The following CDH4 variants were observed in gnomAD, a reference collection of about 807,000 sequenced individuals.
CDH4 encodes cadherin-4.
CDH4 carries 33 observed loss-of-function variants against 86.0 expected under a neutral mutation model. The ratio of observed to expected loss-of-function variants is 0.38; its 90% CI spans 0.29 to 0.51. The LOEUF (loss-of-function observed/expected upper bound fraction) is 0.51, where lower values mean the gene tolerates loss of function less well. Ranked by LOEUF, CDH4 falls within the 20% of genes least tolerant of loss-of-function variation. The probability of loss-of-function intolerance (pLI) is 0.86; values close to 1 mark genes in which losing one functional copy is unlikely to be tolerated. For synonymous variants in CDH4, 555 were observed against 549.4 expected (o/e 1.01, Z -0.14); for missense variants, 1,114 against 1,307.4 (o/e 0.85, Z 2.28).
intron 2 of CDH4, among the ~76,000 whole-genome samples, chr20:61,476,104 G>T (rs1162301502): frequency 6.6e-6 from 1 of 152,218 alleles, no homozygotes; most frequent in Non-Finnish European, 1.5e-5. Context: ...GGTTAATGAG[G>T]ACACGCGGTG....
rs931580485 is a variant in CDH4, at chr20:61,516,717, C to T, written c.170-226846C>T. On this transcript the variant is annotated intron_variant, in intron 2 of 15. Coordinates refer to ENST00000614565, the MANE Select transcript of CDH4 (RefSeq NM_001794.5). This position sits in a 1 kb window ranked among gnomAD's most constrained non-coding sequence, Gnocchi z 4.0. ...CACAGGCTCAGGGTGCAATGTCAAA[C>T]CGCGGCCCTGCCCGAGAGCAGGCAC... 6.6e-6 allele frequency among the ~76,000 whole-genome samples: 1 copy of T among 152,230 alleles called. No individual in the cohort carries two copies. The highest frequency in any genetic ancestry group is 1.5e-5 in the Non-Finnish European group (1 of 68,040).
chr20:61,488,266 G>T (rs1410847035), intron 2 of CDH4, among the ~76,000 whole-genome samples: 6 of 152,210 alleles, frequency 3.9e-5, no homozygotes, highest in Admixed American at 3.9e-4. Context: ...CACAGGGCAG[G>T]GTGAGGTGAC....
chr20:61,294,189 A>G (rs985399866), intron 2 of CDH4, among the ~76,000 whole-genome samples: 3 of 152,096 alleles, frequency 2.0e-5, no homozygotes, highest in African/African-American at 4.8e-5. Flanking sequence ...TGCCGGCATC[A>G]TGGGCTGACC....
chr20:61,390,727 T>A (rs1244239662), intron 2 of CDH4, among the ~76,000 whole-genome samples: 1 of 151,536 alleles, frequency 6.6e-6, no homozygotes, highest in Non-Finnish European at 1.5e-5. Context: ...AGACCCCGAT[T>A]GAGATCGTGC....
At chr20:61,404,730 C>CT (rs1235859183) in intron 2 of CDH4, among the ~76,000 whole-genome samples, 2 of 135,156 alleles carry the variant, frequency 1.5e-5, no homozygotes, top group Admixed American at 7.4e-5. Flanking sequence ...TTTTTTTTTT[C>CT]TTTTTTTCCT....
At chr20:61,618,518 T>C (rs2086744069) in intron 2 of CDH4, among the ~76,000 whole-genome samples, 1 of 152,088 alleles carries the variant, frequency 6.6e-6, no homozygotes, top group Non-Finnish European at 1.5e-5. Flanking sequence ...TCCACCTTGG[T>C]GTTGCTGCCT....
chr20:61,839,400 T>A (rs1982035208), intron 4 of CDH4, among the ~76,000 whole-genome samples: 1 of 151,692 alleles, frequency 6.6e-6, no homozygotes, highest in African/African-American at 2.4e-5. Context: ...TGTATTTGTG[T>A]TGTGTGCATG....
At chr20:61,705,021 G>A (rs1246051870) in intron 2 of CDH4, among the ~76,000 whole-genome samples, 1 of 152,130 alleles carries the variant, frequency 6.6e-6, no homozygotes, top group Non-Finnish European at 1.5e-5. Context: ...GGAACGCGTT[G>A]GGGCTCAAAG....
At chr20:61,809,035 G>A (rs1331792667) in intron 4 of CDH4, among the ~76,000 whole-genome samples, 4 of 152,166 alleles carry the variant, frequency 2.6e-5, no homozygotes, top group Non-Finnish European at 4.4e-5. Flanking sequence ...AAGGCATCCC[G>A]AGTCCCAGCC....
rs76713232 is a variant in CDH4, at chr20:61,320,863, G to A, written c.169+65926G>A. Reference sequence around the variant, plus strand: ...CACGGCCAGGTGGCTGGAGGGGTGGGCAGGGCTGTGGCGTGAAGACAGTAT... The same window carrying A: ...CACGGCCAGGTGGCTGGAGGGGTGGACAGGGCTGTGGCGTGAAGACAGTAT... On this transcript the variant is annotated intron_variant, in intron 2 of 15. Coordinates refer to ENST00000614565, the MANE Select transcript of CDH4 (RefSeq NM_001794.5). 7.9e-5 allele frequency among the ~76,000 whole-genome samples: 12 copies of A among 152,162 alleles called. No individual in the cohort carries two copies. The East Asian group carries it at 2.3e-3, about 30-fold the overall frequency.
At chr20:61,257,893 G>A (rs2123115420) in intron 2 of CDH4, among the ~76,000 whole-genome samples, 1 of 152,312 alleles carries the variant, frequency 6.6e-6, no homozygotes, top group Admixed American at 6.5e-5. Context: ...TGGCATAGTG[G>A]GAACCGAGGG....
intron 2 of CDH4, among the ~76,000 whole-genome samples, chr20:61,300,650 T>C (rs1015970122): frequency 2.6e-5 from 4 of 152,182 alleles, no homozygotes; most frequent in African/African-American, 9.6e-5. Flanking sequence ...CCTCCTGCCC[T>C]GTTCTGCCCA....
intron 8 of CDH4, among the ~76,000 whole-genome samples, chr20:61,895,841 T>G (rs1985079242): frequency 6.6e-6 from 1 of 152,202 alleles, no homozygotes; most frequent in Admixed American, 6.5e-5. Context: ...TGTGACACGG[T>G]GTCCCCAGGC....
chr20:61,747,396 C>T (rs1265213639), intron 3 of CDH4, among the ~76,000 whole-genome samples: 2 of 145,374 alleles, frequency 1.4e-5, no homozygotes, highest in Admixed American at 7.1e-5. Flanking sequence ...CGCAGTGAGC[C>T]GAGTGAGCCA....
At chr20:61,584,351 T>C (rs1443271826) in intron 2 of CDH4, among the ~76,000 whole-genome samples, 3 of 152,174 alleles carry the variant, frequency 2.0e-5, no homozygotes, top group Admixed American at 6.5e-5. Flanking sequence ...TGAGAAGGTC[T>C]CCCTCAGAGA....
chr20:61,625,483 G>A (rs750263731), intron 2 of CDH4, among the ~76,000 whole-genome samples: 5 of 151,984 alleles, frequency 3.3e-5, no homozygotes, highest in Admixed American at 2.0e-4. Flanking sequence ...TGTGGGAGTC[G>A]GAAGCATGAC....
intron 2 of CDH4, among the ~76,000 whole-genome samples, chr20:61,302,844 A>G (rs934321646): frequency 6.6e-6 from 1 of 152,222 alleles, no homozygotes; most frequent in East Asian, 1.9e-4. Flanking sequence ...GGTTGGTGCC[A>G]TAGAACCCCA....
chr20:61,594,889 A>G (rs1293938361), intron 2 of CDH4, among the ~76,000 whole-genome samples: 1 of 152,240 alleles, frequency 6.6e-6, no homozygotes, highest in Admixed American at 6.5e-5. Flanking sequence ...TACTTTCATT[A>G]TCTCATGAAG....
chr20:61,910,516 C>T lies in CDH4; in HGVS notation c.1283C>T (p.Ala428Val), dbSNP rs865878611. The T allele has an allele frequency of 1.2e-5, 19 of 1,613,986 alleles. No homozygotes were observed. The highest frequency in any genetic ancestry group is 1.6e-5 in the Non-Finnish European group (19 of 1,180,002). Residue 428 changes from alanine (A) to valine (V), a missense_variant, in exon 9 of 16, where the codon GCC (alanine) becomes GTC (valine). Around this residue, in one of 3 missense-constraint regions of CDH4, gnomAD observed 705 missense variants for 914.1 expected, o/e 0.77. Transcript: ENST00000614565. The stretch of plus-strand genomic sequence containing the variant: ...CAGCCCCACTCTCCAAACTGGAATG[C>T]CGTTTACCGCATCATCAGTGGGGAT... ...RDQPHSPNWNAVYRIISGDPS... is the reference protein window; with the variant it reads ...RDQPHSPNWNVVYRIISGDPS...
Sources: gnomAD v4.1 joint callset for allele counts (sites outside exome capture counted in the v4.1 genomes callset) on GRCh38, gnomAD v4.1.1 for gene constraint, gnomAD v4.1.1 regional missense constraint, Gnocchi (gnomAD v3.1) non-coding constraint, MANE v1.5 for transcripts, NCBI Gene and HGNC (gene_info 2026-07-23, HGNC 2026-07-21) for gene names.